STK3: variants seen among roughly 807,000 people sequenced by gnomAD.
STK3 encodes the protein serine/threonine kinase 3.
In STK3, 41 loss-of-function variants were observed where a neutral mutation model predicts 58.0. The observed-to-expected ratio is 0.71, with a 90% CI of 0.55 to 0.92. The LOEUF (loss-of-function observed/expected upper bound fraction) is 0.92, where lower values mean the gene tolerates loss of function less well. Among genes scored for constraint, STK3 ranks in the 40% least tolerant of loss-of-function variants. STK3 has a pLI of 0.00. For missense variants in STK3, 479 were observed against 602.7 expected (o/e 0.79, Z 2.15); for synonymous variants, 170 against 191.0 (o/e 0.89, Z 0.91).
In STK3 at chr8:98,556,115, C is replaced by T. The variant is rs560098174; in HGVS notation, c.949-7954G>A. 3.9e-5 allele frequency among the ~76,000 whole-genome samples: 6 copies of T among 152,064 alleles called. No homozygotes were observed. In the South Asian group the frequency reaches 1.2e-3, roughly 32 times the overall value. On this transcript the variant is annotated intron_variant, in intron 8 of 10. Transcript: ENST00000419617. ...AGGTAGGGGACAGGGATTGGGAAGC[C>T]TCCCTAAGGTAGGGGACAGGGATTG... is the stretch of plus-strand genomic sequence containing the variant.
chr8:98,627,581 T>C (rs1211853471), intron 6 of STK3, among the ~76,000 whole-genome samples: 1 of 151,000 alleles, frequency 6.6e-6, no homozygotes, highest in East Asian at 2.0e-4. Context: ...CCATGTGACA[T>C]ACTCATGCCC....
intron 2 of STK3, among the ~76,000 whole-genome samples, chr8:98,371,986 A>AG (rs752774054): frequency 6.6e-6 from 1 of 152,012 alleles, no homozygotes; most frequent in African/African-American, 2.4e-5. Flanking sequence ...GATCAGGGGG[A>AG]GGGGGGTCCT....
At chr8:98,734,324 G>A (rs539417060) in intron 4 of STK3, among the ~76,000 whole-genome samples, 1 of 152,324 alleles carries the variant, frequency 6.6e-6, no homozygotes, top group South Asian at 2.1e-4. Context: ...TGAAGTCCTT[G>A]TCAGTTGAAT....
chr8:98,357,449 A>C, the STK3 span, among the ~76,000 whole-genome samples: 1 of 152,250 alleles, frequency 6.6e-6, no homozygotes, highest in Non-Finnish European at 1.5e-5. Context: ...GTACTCCCAG[A>C]AGCACGGGAT....
intron 1 of STK3, among the ~76,000 whole-genome samples, chr8:98,788,114 G>T (rs1199853906): frequency 6.6e-6 from 1 of 151,970 alleles, no homozygotes; most frequent in Non-Finnish European, 1.5e-5. Flanking sequence ...CAATACCAAC[G>T]TTGAATGTAA....
chr8:98,826,131 AG>A (rs546197269), upstream of STK3, among the ~76,000 whole-genome samples: 20 of 152,186 alleles, frequency 1.3e-4, no homozygotes, highest in Non-Finnish European at 2.4e-4. Context: ...GAGCTGGCCC[AG>A]AGCTCCGCCC....
At chr8:98,572,633 G>A (rs1813054742) in intron 8 of STK3, among the ~76,000 whole-genome samples, 1 of 152,128 alleles carries the variant, frequency 6.6e-6, no homozygotes, top group South Asian at 2.1e-4. Flanking sequence ...GGCAATGTAG[G>A]ATATACATTT....
chr8:98,571,281 G>A (rs1281322578), intron 8 of STK3, among the ~76,000 whole-genome samples: 1 of 152,006 alleles, frequency 6.6e-6, no homozygotes, highest in Non-Finnish European at 1.5e-5. Context: ...AGTAAGCCGG[G>A]GATCACGCCA....
intron 1 of STK3, among the ~76,000 whole-genome samples, chr8:98,917,537 T>C (rs561419894): frequency 6.6e-6 from 1 of 152,264 alleles, no homozygotes; most frequent in Non-Finnish European, 1.5e-5. Context: ...ATTAGTACAC[T>C]TTTAAAAGAA....
intron 3 of STK3, among the ~76,000 whole-genome samples, chr8:98,833,707 GT>G (rs1449651152): frequency 3.3e-5 from 5 of 152,172 alleles, no homozygotes; most frequent in Non-Finnish European, 7.3e-5. Context: ...ACACTGGTCA[GT>G]TGTGCCTAAA....
rs537828898 is a variant in STK3, at chr8:98,446,575, G to A, written n.186-9367C>T. 5.7e-4 allele frequency among the ~76,000 whole-genome samples: 87 copies of A among 152,156 alleles called. 1 individual carries two copies. The highest frequency in any genetic ancestry group is 2.1e-3 in the African/African-American group (87 of 41,510). On this transcript the variant is annotated intron_variant and non_coding_transcript_variant, in intron 1 of 3. Transcript: ENST00000517832. ...CCACTGAGATACCATCTCACATCAG[G>A]CAGAATGGCTATTACTAAAAAGTCA...
the STK3 span, among the ~76,000 whole-genome samples, chr8:98,344,872 G>A: frequency 1.8e-5 from 2 of 113,620 alleles, no homozygotes; most frequent in African/African-American, 3.6e-5. Context: ...CAGCCTGGGC[G>A]ACAGAGCGAG....
chr8:98,450,556 T>C (rs887473014), downstream of STK3, among the ~76,000 whole-genome samples: 5 of 152,232 alleles, frequency 3.3e-5, no homozygotes, highest in African/African-American at 1.2e-4. Flanking sequence ...CCTTCCGCCA[T>C]GCTGATTAAT....
At chr8:98,599,441 A>G (rs1237985647) in intron 6 of STK3, among the ~76,000 whole-genome samples, 1 of 151,760 alleles carries the variant, frequency 6.6e-6, no homozygotes, top group African/African-American at 2.4e-5. Flanking sequence ...CTTTAGTATC[A>G]TTTTGTTTTT....
chr8:98,435,388 G>A (rs536853104), intron 2 of STK3, among the ~76,000 whole-genome samples: 1 of 152,324 alleles, frequency 6.6e-6, no homozygotes, highest in Non-Finnish European at 1.5e-5. Context: ...GGTGCAGATG[G>A]GGGGCAGAAG....
At position 98,579,779 on chromosome 8, in the gene STK3, A is replaced by T; in HGVS notation, c.833T>A (p.Ile278Asn). ...TATQLLQHPF[I>N]KNAKPVSILR... ...TATTGATACAGGTTTGGCATTCTTG[A>T]TAAAAGGATGCTAAAAAAGTAAAAT... The change falls in exon 8 of 11, where the codon ATC (isoleucine) becomes AAC (asparagine). Residue 278 changes from isoleucine to asparagine, a missense_variant. By Grantham distance (149) the Ile-to-Asn change is moderately radical. This residue lies in a region of STK3 where 309 missense variants were observed against 355.7 expected (regional missense o/e 0.87). Transcript: ENST00000419617. The T allele has an allele frequency of 6.4e-7, 1 of 1,570,224 alleles. No homozygotes were observed. The highest frequency in any genetic ancestry group is 8.6e-7 in the Non-Finnish European group (1 of 1,167,252).
intron 1 of STK3, among the ~76,000 whole-genome samples, chr8:98,791,514 G>A (rs866529151): frequency 6.6e-6 from 1 of 152,102 alleles, no homozygotes; most frequent in Non-Finnish European, 1.5e-5. Flanking sequence ...CATAGCCAAA[G>A]CAAGACTAAG....
chr8:98,603,535 C>T (rs1366696599), intron 6 of STK3, among the ~76,000 whole-genome samples: 4 of 152,078 alleles, frequency 2.6e-5, no homozygotes, highest in South Asian at 2.1e-4. Context: ...CCGCACCTGG[C>T]CTATGACAAT....
At chr8:98,506,428 G>A (rs183271661) in intron 10 of STK3, among the ~76,000 whole-genome samples, 130 of 152,320 alleles carry the variant, frequency 8.5e-4, no homozygotes, top group Admixed American at 2.2e-3. Flanking sequence ...CAGTCCCAGT[G>A]AGATGAACCA....
Sources: allele counts gnomAD v4.1 joint callset (sites outside exome capture counted in the v4.1 genomes callset), GRCh38; gene constraint gnomAD v4.1.1; regional missense constraint gnomAD v4.1.1; transcripts MANE v1.5; gene names NCBI Gene and HGNC (gene_info 2026-07-23, HGNC 2026-07-21).